The following FAM107B variants were observed in gnomAD, a reference collection of about 807,000 sequenced individuals.
The protein encoded by FAM107B is protein FAM107B.
A neutral mutation model predicts 31.5 loss-of-function variants in FAM107B; 21 were observed. That is an observed-to-expected ratio of 0.67 (90% confidence interval 0.47 to 0.96). The LOEUF (loss-of-function observed/expected upper bound fraction) is 0.96, where lower values mean the gene tolerates loss of function less well. Among genes scored for constraint, FAM107B ranks in the 40% least tolerant of loss-of-function variants. The pLI is 0.00. For missense variants in FAM107B, 452 were observed against 377.1 expected (o/e 1.20, Z -1.64); for synonymous variants, 157 against 141.5 (o/e 1.11, Z -0.78).
At chr10:14,706,526 T>C (rs1855524413) in intron 1 of FAM107B, among the ~76,000 whole-genome samples, 2 of 152,160 alleles carry the variant, frequency 1.3e-5, no homozygotes. Flanking sequence ...ATGCTAAAAC[T>C]TCACCCCAAA....
At chr10:14,742,750 C>A (rs1588748118) in intron 1 of FAM107B, among the ~76,000 whole-genome samples, 1 of 152,124 alleles carries the variant, frequency 6.6e-6, no homozygotes, top group Non-Finnish European at 1.5e-5. Context: ...GATTCAATAT[C>A]TCCCCTTAGC....
At chr10:14,548,005 C>T (rs1365649504) in intron 2 of FAM107B, among the ~76,000 whole-genome samples, 1 of 152,222 alleles carries the variant, frequency 6.6e-6, no homozygotes, top group East Asian at 1.9e-4. Flanking sequence ...ACTTCCCTCT[C>T]TTCAGACCAC....
chr10:14,548,322 A>C, intron 2 of FAM107B: 1 of 641,056 alleles, frequency 1.6e-6, no homozygotes, highest in Non-Finnish European at 1.9e-6. Flanking sequence ...AGGGGGAGGC[A>C]CAGGGAGGCC....
chr10:14,590,262 A>C (rs1851972000), intron 2 of FAM107B, among the ~76,000 whole-genome samples: 1 of 152,198 alleles, frequency 6.6e-6, no homozygotes, highest in African/African-American at 2.4e-5. Context: ...TCTAGTTTTC[A>C]CATCTTTCTT....
intron 2 of FAM107B, among the ~76,000 whole-genome samples, chr10:14,655,194 G>A (rs1467505408): frequency 1.3e-5 from 2 of 152,116 alleles, no homozygotes; most frequent in East Asian, 3.9e-4. Context: ...CATCAAGATT[G>A]ACACTAAGCC....
intron 2 of FAM107B, among the ~76,000 whole-genome samples, chr10:14,575,947 TAGAC>T (rs1213222849): frequency 2.6e-5 from 4 of 152,192 alleles, no homozygotes; most frequent in African/African-American, 9.7e-5. Context: ...TGCTACCACA[TAGAC>T]AGGTCTTGAA....
In FAM107B at chr10:14,537,311, G is replaced by A. The variant is rs544507288; in HGVS notation, c.470-6796C>T. On this transcript the variant is annotated intron_variant, in intron 2 of 4. Transcript: ENST00000181796. ...CCATGTCACCTGGGGGTATATGTAA[G>A]CTTCCCCTGTCACTTGGTCCTCATA... 2.0e-5 allele frequency among the ~76,000 whole-genome samples: 3 copies of A among 152,348 alleles called. No individual in the cohort carries two copies. In the South Asian group the frequency reaches 6.2e-4, roughly 32 times the overall value.
chr10:14,735,209 G>A (rs1028817027), intron 1 of FAM107B, among the ~76,000 whole-genome samples: 2 of 152,216 alleles, frequency 1.3e-5, no homozygotes, highest in African/African-American at 4.8e-5. Context: ...TGGCCTATAG[G>A]CCACATGGGG....
intron 2 of FAM107B, among the ~76,000 whole-genome samples, chr10:14,651,878 AGT>A (rs1384340152): frequency 5.3e-5 from 8 of 152,340 alleles, no homozygotes; most frequent in African/African-American, 1.9e-4. Context: ...CCCAAACCAG[AGT>A]GTGATACCAA....
chr10:14,758,419 T>C (rs1370580826), intron 1 of FAM107B, among the ~76,000 whole-genome samples: 1 of 152,214 alleles, frequency 6.6e-6, no homozygotes, highest in Non-Finnish European at 1.5e-5. Context: ...GGTTCCCAAT[T>C]CTGGCTGCGT....
At chr10:14,745,666 C>G (rs947131284) in intron 1 of FAM107B, among the ~76,000 whole-genome samples, 1 of 152,076 alleles carries the variant, frequency 6.6e-6, no homozygotes, top group African/African-American at 2.4e-5. Flanking sequence ...GTCTGAGAGA[C>G]TGTTTATTAT....
intron 2 of FAM107B, among the ~76,000 whole-genome samples, chr10:14,538,989 A>C (rs1847913526): frequency 1.3e-5 from 2 of 152,198 alleles, no homozygotes; most frequent in Non-Finnish European, 2.9e-5. Flanking sequence ...GCATTCTTGA[A>C]AACTCATGGA....
At chr10:14,737,160 T>C (rs1034900999) in intron 1 of FAM107B, among the ~76,000 whole-genome samples, 2 of 152,128 alleles carry the variant, frequency 1.3e-5, no homozygotes, top group African/African-American at 4.8e-5. Context: ...AGAGATTCCA[T>C]TCATCTCTGC....
chr10:14,682,619 T>A (rs566348011), intron 1 of FAM107B, among the ~76,000 whole-genome samples: 4 of 152,280 alleles, frequency 2.6e-5, no homozygotes, highest in Admixed American at 6.5e-5. Context: ...GAAACCATCA[T>A]TCTCAGCAAA....
At chr10:14,634,674 A>G (rs1013378966) in intron 2 of FAM107B, among the ~76,000 whole-genome samples, 2 of 152,174 alleles carry the variant, frequency 1.3e-5, no homozygotes, top group Non-Finnish European at 2.9e-5. Flanking sequence ...AAGGGTCTAC[A>G]TTTGGGAGGA....
intron 2 of FAM107B, among the ~76,000 whole-genome samples, chr10:14,650,075 C>T (rs1033744963): frequency 4.0e-4 from 61 of 152,292 alleles, no homozygotes; most frequent in African/African-American, 3.6e-4. Context: ...GGAGGAAGGA[C>T]GTGCTCCCTG....
chr10:14,764,839 TTCA>T (rs1432805479), intron 1 of FAM107B, among the ~76,000 whole-genome samples: 1 of 152,218 alleles, frequency 6.6e-6, no homozygotes, highest in African/African-American at 2.4e-5. Context: ...TGCAAGTTAT[TTCA>T]TCAAGAGACT....
At chr10:14,648,044 G>A (rs539457338) in intron 2 of FAM107B, among the ~76,000 whole-genome samples, 1 of 150,572 alleles carries the variant, frequency 6.6e-6, no homozygotes, top group Non-Finnish European at 1.5e-5. Flanking sequence ...AAGAGGTTTA[G>A]CATATTTGAA....
At chr10:14,626,262 T>C (rs1015611530) in intron 2 of FAM107B, among the ~76,000 whole-genome samples, 2 of 151,530 alleles carry the variant, frequency 1.3e-5, no homozygotes, top group South Asian at 4.2e-4. Flanking sequence ...CCTTCTCCTC[T>C]GTCTTCAATA....
Sources: allele counts gnomAD v4.1 joint callset (sites outside exome capture counted in the v4.1 genomes callset), GRCh38; gene constraint gnomAD v4.1.1; transcripts MANE v1.5; gene names NCBI Gene and HGNC (gene_info 2026-07-23, HGNC 2026-07-21).